Variants in ANK3 observed in about 807,000 individuals in gnomAD.
The protein encoded by ANK3 is ankyrin-3.
ANK3 carries 57 observed loss-of-function variants against 370.9 expected under a neutral mutation model. The ratio of observed to expected loss-of-function variants is 0.15; its 90% confidence interval spans 0.12 to 0.19. ANK3 has a LOEUF of 0.19. Among genes scored for constraint, ANK3 ranks in the 10% least tolerant of loss-of-function variants. The probability of loss-of-function intolerance (pLI) is 1.00; values close to 1 mark genes in which losing one functional copy is unlikely to be tolerated. For missense variants in ANK3, 4,439 were observed against 5,302.1 expected (o/e 0.84, Z 5.06); for synonymous variants, 1,929 against 1,946.3 (o/e 0.99, Z 0.23).
chr10:60,107,561 A>C (rs1438558155), intron 27 of ANK3, among the ~76,000 whole-genome samples: 5 of 152,252 alleles, frequency 3.3e-5, no homozygotes, highest in Non-Finnish European at 5.9e-5. Flanking sequence ...AATGCATTTC[A>C]GCTCAAACAA....
At chr10:60,141,567 T>TTTTG (rs2094561774) in intron 23 of ANK3, among the ~76,000 whole-genome samples, 1 of 53,578 alleles carries the variant, frequency 1.9e-5, no homozygotes, top group Non-Finnish European at 4.9e-5. Context: ...TGCTGTTTTT[T>TTTTG]TTTTTTTTTT....
chr10:60,719,976 A>G (rs2079841309), intron 1 of ANK3, among the ~76,000 whole-genome samples: 1 of 152,206 alleles, frequency 6.6e-6, no homozygotes, highest in African/African-American at 2.4e-5. Flanking sequence ...ACATCAACTG[A>G]TTATATCAAT....
At chr10:60,035,781 G>A (rs1014695670) in intron 43 of ANK3, among the ~76,000 whole-genome samples, 1 of 151,066 alleles carries the variant, frequency 6.6e-6, no homozygotes, top group South Asian at 2.1e-4. Flanking sequence ...CCTGAGGTCG[G>A]GAGTTTGAGA....
chr10:60,373,535 TAAAC>T (rs2060370152), intron 1 of ANK3, among the ~76,000 whole-genome samples: 1 of 152,152 alleles, frequency 6.6e-6, no homozygotes, highest in Non-Finnish European at 1.5e-5. Context: ...TCACTGTACT[TAAAC>T]AGTCAGGAGA....
chr10:60,291,269 T>A (rs10509128), intron 1 of ANK3, among the ~76,000 whole-genome samples: 23 of 151,972 alleles, frequency 1.5e-4, no homozygotes, highest in African/African-American at 5.3e-4. Flanking sequence ...ACTTGTCTCT[T>A]AGAGGATATA....
intron 1 of ANK3, among the ~76,000 whole-genome samples, chr10:60,372,851 A>G (rs1487854220): frequency 6.6e-6 from 1 of 152,256 alleles, no homozygotes; most frequent in Non-Finnish European, 1.5e-5. Context: ...TTCACTTAAA[A>G]TAAATGAAAT....
Position 60,336,564 on chromosome 10 carries a change from G to GATCTATCTATCT in ANK3, c.114+52849_114+52860dup, listed in dbSNP as rs78424635. ...TATTTCGGGTATGGTGGAATCTGGA[G>GATCTATCTATCT]ATCTATCTATCTATCTATCTATCTA... On this transcript the variant is annotated intron_variant, in intron 1 of 43. Transcript: ENST00000280772. 3.5e-3 allele frequency among the ~76,000 whole-genome samples: 531 copies of GATCTATCTATCT among 150,576 alleles called. 2 individuals are homozygous for GATCTATCTATCT. Among genetic ancestry groups the GATCTATCTATCT allele is most frequent in the African/African-American group, 5.2e-3 (208 of 40,320 alleles).
chr10:60,363,403 C>T (rs2058926851), intron 1 of ANK3, among the ~76,000 whole-genome samples: 1 of 152,144 alleles, frequency 6.6e-6, no homozygotes, highest in South Asian at 2.1e-4. Flanking sequence ...AAAGACATTC[C>T]TAACAAATAT....
At chr10:60,095,921 C>T (rs1298614028) in intron 28 of ANK3, among the ~76,000 whole-genome samples, 1 of 152,204 alleles carries the variant, frequency 6.6e-6, no homozygotes. Flanking sequence ...TGCCTGTAAT[C>T]CCAGCATTTT....
chr10:60,467,803 G>A (rs1370566676), intron 2 of ANK3, among the ~76,000 whole-genome samples: 3 of 151,972 alleles, frequency 2.0e-5, no homozygotes, highest in Non-Finnish European at 2.9e-5. Context: ...AAACAAACTC[G>A]ATTTATTCCT....
chr10:60,277,518 A>G (rs1429372927), intron 4 of ANK3, among the ~76,000 whole-genome samples: 1 of 152,242 alleles, frequency 6.6e-6, no homozygotes, highest in Non-Finnish European at 1.5e-5. Flanking sequence ...TTTTCATAGC[A>G]TAAGCAAAAA....
intron 43 of ANK3, among the ~76,000 whole-genome samples, chr10:60,035,095 T>C (rs1457197276): frequency 6.6e-6 from 1 of 152,156 alleles, no homozygotes. Context: ...TAAAATTTTA[T>C]TACTGTTATT....
chr10:60,027,660 G>A lies in ANK3; in HGVS notation c.*2186C>T, dbSNP rs2131821380. 6.6e-6 allele frequency: 1 copy of A among 152,298 alleles called. No homozygotes were observed. Among genetic ancestry groups the A allele is most frequent in the East Asian group, 1.9e-4 (1 of 5,192 alleles). 9.4% of individuals were successfully genotyped at this position (152,298 alleles called of 1,614,324 possible). ...GTAAATGGAATGTGCTTAGAACAGAGAATAGCATGTAGTGAGCACTCCAGT... is the reference window on the plus strand; with the variant it reads ...GTAAATGGAATGTGCTTAGAACAGAAAATAGCATGTAGTGAGCACTCCAGT... On this transcript the variant is annotated 3_prime_UTR_variant, in exon 44 of 44. Transcript: ENST00000280772.
At chr10:60,603,631 T>G (rs2078093818) in intron 2 of ANK3, among the ~76,000 whole-genome samples, 1 of 152,142 alleles carries the variant, frequency 6.6e-6, no homozygotes, top group Non-Finnish European at 1.5e-5. Flanking sequence ...CATAATGAAA[T>G]GTTGATTATC....
intron 28 of ANK3, among the ~76,000 whole-genome samples, chr10:60,100,656 G>A (rs528959735): frequency 8.5e-5 from 13 of 152,242 alleles, no homozygotes; most frequent in African/African-American, 2.9e-4. Flanking sequence ...GTTCAGCAAT[G>A]ACAAGAAAAT....
intron 28 of ANK3, among the ~76,000 whole-genome samples, chr10:60,089,908 ATGAT>A (rs1204366666): frequency 6.6e-6 from 1 of 152,160 alleles, no homozygotes; most frequent in Non-Finnish European, 1.5e-5. Context: ...TGAGAGAAAG[ATGAT>A]TTATTTAAAA....
At chr10:60,046,782 C>G (rs112367439) in intron 42 of ANK3, among the ~76,000 whole-genome samples, 142 of 151,072 alleles carry the variant, frequency 9.4e-4, no homozygotes, top group Middle Eastern at 3.4e-3. Flanking sequence ...TCTAAGGCCT[C>G]TCTTCAATGG....
At chr10:60,595,858 T>A (rs186458195) in intron 2 of ANK3, among the ~76,000 whole-genome samples, 23 of 152,330 alleles carry the variant, frequency 1.5e-4, no homozygotes, top group Non-Finnish European at 4.4e-5. Context: ...AATTTTCCTA[T>A]GTCAGATTTT....
intron 1 of ANK3, among the ~76,000 whole-genome samples, chr10:60,301,142 A>G (rs906835176): frequency 3.6e-4 from 54 of 148,008 alleles, no homozygotes; most frequent in Admixed American, 5.4e-4. Context: ...ATATATATAT[A>G]TATGTATCTG....
Sources: allele counts gnomAD v4.1 joint callset (sites outside exome capture counted in the v4.1 genomes callset), GRCh38; gene constraint gnomAD v4.1.1; transcripts MANE v1.5; gene names NCBI Gene and HGNC (gene_info 2026-07-23, HGNC 2026-07-21).